GABRB1: variants seen among roughly 807,000 people sequenced by gnomAD.
The protein encoded by GABRB1 is gamma-aminobutyric acid receptor subunit beta-1.
GABRB1 carries 17 observed loss-of-function variants against 51.6 expected under a neutral mutation model. That is an observed-to-expected ratio of 0.33 (90% CI 0.23 to 0.49). The LOEUF (loss-of-function observed/expected upper bound fraction) is 0.49, where lower values mean the gene tolerates loss of function less well. GABRB1 is among the 20% of genes least tolerant of loss of function. The pLI is 0.99. For synonymous variants in GABRB1, 247 were observed against 218.9 expected, an observed-to-expected ratio of 1.13 and a Z score of -1.14; for missense variants, 410 against 600.6, an observed-to-expected ratio of 0.68 and a Z score of 3.32.
intron 5 of GABRB1, among the ~76,000 whole-genome samples, chr4:47,396,623 A>G (rs945974648): frequency 2.0e-5 from 3 of 152,278 alleles, no homozygotes; most frequent in African/African-American, 4.8e-5. Flanking sequence ...AAGATTTACA[A>G]TAGTTCATGG....
chr4:47,001,138 T>G (rs1429091123), intron 1 of GABRB1, among the ~76,000 whole-genome samples: 1 of 152,132 alleles, frequency 6.6e-6, no homozygotes, highest in Admixed American at 6.6e-5. Flanking sequence ...ATTTTAGTTT[T>G]TTATGTTTAT....
chr4:47,143,500 C>A (rs1465926322), intron 3 of GABRB1, among the ~76,000 whole-genome samples: 1 of 151,754 alleles, frequency 6.6e-6, no homozygotes, highest in Non-Finnish European at 1.5e-5. Context: ...TTAAAGTAAA[C>A]CACAGAGATA....
intron 3 of GABRB1, among the ~76,000 whole-genome samples, chr4:47,138,262 A>G (rs538295223): frequency 2.0e-5 from 3 of 152,168 alleles, no homozygotes; most frequent in Non-Finnish European, 4.4e-5. Flanking sequence ...CCTGAAATCA[A>G]TTTGGGACCA....
At chr4:47,050,803 A>G (rs1726316332) in intron 3 of GABRB1, among the ~76,000 whole-genome samples, 1 of 152,278 alleles carries the variant, frequency 6.6e-6, no homozygotes, top group South Asian at 2.1e-4. Flanking sequence ...TTCAATTTCA[A>G]TATTACTGAT....
At chr4:47,330,362 G>C (rs1725434788) in intron 5 of GABRB1, among the ~76,000 whole-genome samples, 1 of 152,140 alleles carries the variant, frequency 6.6e-6, no homozygotes, top group Non-Finnish European at 1.5e-5. Flanking sequence ...AGCACATCTA[G>C]AAATGCTAGA....
intron 4 of GABRB1, among the ~76,000 whole-genome samples, chr4:47,270,115 C>CA: frequency 6.6e-6 from 1 of 152,226 alleles, no homozygotes; most frequent in Admixed American, 6.6e-5. Context: ...TTCTATCTTC[C>CA]AAAACAGTGT....
At chr4:47,412,078 C>T (rs564627809) in intron 8 of GABRB1, among the ~76,000 whole-genome samples, 77 of 152,208 alleles carry the variant, frequency 5.1e-4, no homozygotes, top group African/African-American at 1.4e-3. Context: ...TATTTGGTAT[C>T]GCTGTTAATT....
At chr4:47,154,165 G>A (rs1717580644) in intron 3 of GABRB1, among the ~76,000 whole-genome samples, 1 of 151,594 alleles carries the variant, frequency 6.6e-6, no homozygotes, top group African/African-American at 2.4e-5. Flanking sequence ...TTAGAAACAG[G>A]TGTTTTGTGG....
intron 4 of GABRB1, among the ~76,000 whole-genome samples, chr4:47,164,870 C>T (rs1185234904): frequency 6.6e-6 from 1 of 152,084 alleles, no homozygotes; most frequent in African/African-American, 2.4e-5. Flanking sequence ...TACTATGCAA[C>T]AGATATTCGG....
chr4:47,410,786 G>A (rs958023558), intron 8 of GABRB1, among the ~76,000 whole-genome samples: 2 of 152,154 alleles, frequency 1.3e-5, no homozygotes, highest in African/African-American at 2.4e-5. Context: ...AGCCTGTTGG[G>A]GAGTGTGGGG....
chr4:47,053,233 G>C (rs1278122543), intron 3 of GABRB1, among the ~76,000 whole-genome samples: 1 of 152,138 alleles, frequency 6.6e-6, no homozygotes, highest in African/African-American at 2.4e-5. Context: ...GTCTGTTCAG[G>C]CTGCTATACC....
chr4:47,283,355 CCTTTTT>C, intron 4 of GABRB1, among the ~76,000 whole-genome samples: 1 of 120,698 alleles, frequency 8.3e-6, no homozygotes, highest in Non-Finnish European at 1.7e-5. Context: ...CCTGGTGGCC[CCTTTTT>C]TTTTTTTTTT....
At chr4:47,403,967 G>C (rs1728485064) in intron 7 of GABRB1, among the ~76,000 whole-genome samples, 3 of 152,138 alleles carry the variant, frequency 2.0e-5, no homozygotes, top group African/African-American at 4.8e-5. Flanking sequence ...GTGTCTCATG[G>C]AATATATTTT....
chr4:47,011,175 A>G (rs1416668509), intron 1 of GABRB1, among the ~76,000 whole-genome samples: 1 of 152,206 alleles, frequency 6.6e-6, no homozygotes, highest in African/African-American at 2.4e-5. Flanking sequence ...TGTGGGAAAC[A>G]TTAGCAGAAA....
At chr4:47,268,845 A>G (rs1722744561) in intron 4 of GABRB1, among the ~76,000 whole-genome samples, 1 of 152,184 alleles carries the variant, frequency 6.6e-6, no homozygotes, top group African/African-American at 2.4e-5. Flanking sequence ...AAGGGAGGAT[A>G]CACTTTGCAC....
chr4:47,368,448 T>C (rs1465883355), intron 5 of GABRB1, among the ~76,000 whole-genome samples: 1 of 152,150 alleles, frequency 6.6e-6, no homozygotes, highest in Non-Finnish European at 1.5e-5. Flanking sequence ...GAGGTGCTAC[T>C]GGCATTGAGT....
chr4:47,381,145 C>T (rs1027155058), intron 5 of GABRB1, among the ~76,000 whole-genome samples: 1 of 152,098 alleles, frequency 6.6e-6, no homozygotes, highest in African/African-American at 2.4e-5. Context: ...CTATTGTAAG[C>T]TCTGGAGGTG....
intron 3 of GABRB1, among the ~76,000 whole-genome samples, chr4:47,077,181 G>A (rs749918186): frequency 7.2e-5 from 11 of 152,076 alleles, no homozygotes; most frequent in African/African-American, 9.7e-5. Flanking sequence ...GAAATGTACC[G>A]GAGTCCCAAA....
chr4:47,187,985 T>C (rs1719257427), intron 4 of GABRB1, among the ~76,000 whole-genome samples: 1 of 151,936 alleles, frequency 6.6e-6, no homozygotes, highest in African/African-American at 2.4e-5. Context: ...CTCTGTCCTC[T>C]TACCCTGATT....
Sources: allele counts gnomAD v4.1 joint callset (sites outside exome capture counted in the v4.1 genomes callset), GRCh38; gene constraint gnomAD v4.1.1; transcripts MANE v1.5; gene names NCBI Gene and HGNC (gene_info 2026-07-23, HGNC 2026-07-21).